COL27A1: variants seen among roughly 807,000 people sequenced by gnomAD.
COL27A1 encodes collagen alpha-1(XXVII) chain.
In COL27A1, 106 loss-of-function variants were observed where a neutral mutation model predicts 251.3. That is an observed-to-expected ratio of 0.42 (90% CI 0.36 to 0.50). The LOEUF (loss-of-function observed/expected upper bound fraction) is 0.50. Ranked by LOEUF, COL27A1 falls within the 20% of genes least tolerant of loss-of-function variation. COL27A1 has a pLI of 0.00. For missense variants in COL27A1, 2,325 were observed against 2,522.8 expected (o/e 0.92, Z 1.68); for synonymous variants, 1,000 against 986.3 (o/e 1.01, Z -0.26).
chr9:114,231,199 C>T, intron 15 of COL27A1, 67 bp downstream of exon 15: 1 of 1,449,866 alleles, frequency 6.9e-7, no homozygotes, highest in East Asian at 2.3e-5. Context: ...CATTTCAGCC[C>T]AGAAGGAAGG....
At chr9:114,259,837 G>A (rs946043890) in intron 28 of COL27A1, among the ~76,000 whole-genome samples, 1 of 152,168 alleles carries the variant, frequency 6.6e-6, no homozygotes, top group Non-Finnish European at 1.5e-5. Context: ...AGCTCCATAC[G>A]GGGGGATCTG....
In COL27A1 at chr9:114,205,446, G is replaced by A. The variant is rs1051392755; in HGVS notation, c.2169+300G>A. ...GATGTTAGGGGATATTATACTCACC[G>A]CCACGGGGTTTGCAGGAATTTTGGC... On this transcript the variant is annotated intron_variant, in intron 8 of 60. Transcript: ENST00000356083. Among the ~76,000 whole-genome samples the A allele has an allele frequency of 5.8e-4, 88 of 152,212 alleles. 1 individual carries two copies. Among genetic ancestry groups the A allele is most frequent in the Admixed American group, 5.4e-3 (82 of 15,282 alleles).
At position 114,252,870 on chromosome 9, in the gene COL27A1, T is replaced by A. The variant is rs1010591911; in HGVS notation, c.3088-9T>A. On this transcript the variant is annotated splice_polypyrimidine_tract_variant and intron_variant, in intron 26 of 60. Coordinates refer to ENST00000356083, the MANE Select transcript of COL27A1 (RefSeq NM_032888.4). ...GCTGATTCCTCCTTTGTCTTCTCTG[T>A]CTTGGCAGGGTCATCCTGGAATGCC... 6.2e-7 allele frequency: 1 copy of A among 1,613,894 alleles called. No homozygotes were observed. Among genetic ancestry groups the A allele is most frequent in the African/African-American group, 1.3e-5 (1 of 75,052 alleles).
chr9:114,235,482 C>A, intron 16 of COL27A1, 117 bp from the exon 17 acceptor site: 2 of 817,940 alleles, frequency 2.4e-6, no homozygotes, highest in South Asian at 1.4e-5. Context: ...TGCTGCTGGC[C>A]GGATCCGACT....
chr9:114,302,503 G>C (rs1392624241), intron 56 of COL27A1, among the ~76,000 whole-genome samples: 7 of 152,148 alleles, frequency 4.6e-5, no homozygotes, highest in Non-Finnish European at 1.0e-4. Flanking sequence ...GAGGCGAGCA[G>C]ATCACCTGAG....
At chr9:114,169,605 C>G (rs562552934) in intron 3 of COL27A1, 142 bp downstream of exon 3, 4 of 595,570 alleles carry the variant, frequency 6.7e-6, no homozygotes, top group Non-Finnish European at 8.2e-6. Flanking sequence ...TGGCTCCAGC[C>G]AGGCCCCCGG....
chr9:114,167,735 G>T lies in COL27A1; in HGVS notation c.180G>T (p.Gly60=). 2 of 1,613,722 alleles carry T rather than the reference G, an allele frequency of 1.2e-6. No homozygotes were observed. The highest frequency in any genetic ancestry group is 1.7e-6 in the Non-Finnish European group (2 of 1,179,910). ...TGGGCCTCAGCTGGACGAAGGCCGG[G>T]AGCCCTGCACCCCCGGGAGTCATTC... ...QRLGLSWTKA[G]SPAPPGVIPF... The change falls in exon 3 of 61, where the codon GGG becomes GGT. Residue 60 remains glycine (G), a synonymous_variant. Transcript: ENST00000356083.
rs751335161 is a variant in COL27A1, at chr9:114,168,920, C to A, written c.1365C>A (p.Pro455=). ...PTTSSSKKPI[P]TLARTEAKIT... is the part of the protein sequence containing the mutation. ...CCAGCTCCTCTAAAAAACCCATTCCCACACTAGCTCGGACTGAGGCCAAGA... is the reference window on the plus strand; with the variant it reads ...CCAGCTCCTCTAAAAAACCCATTCCAACACTAGCTCGGACTGAGGCCAAGA... Residue 455 remains proline, a synonymous_variant, in exon 3 of 61, where the codon CCC becomes CCA. Transcript: ENST00000356083. The A allele has an allele frequency of 6.2e-6, 10 of 1,614,092 alleles. No individual in the cohort carries two copies. Among genetic ancestry groups the A allele is most frequent in the Middle Eastern group, 1.7e-4 (1 of 6,060 alleles).
rs1830333298 is a variant in COL27A1 at position 114,211,161 on chromosome 9, T to G, written c.2367+135T>G. The G allele has an allele frequency of 4.3e-6, 4 of 920,390 alleles. No homozygotes were observed. The East Asian group carries it at 1.0e-4, about 23-fold the overall frequency. The allele number at this position is 920,390 out of a possible 1,614,324, so 57.0% of individuals were successfully genotyped here. Reference sequence around the variant, plus strand: ...TTGAGTGTGGGGGCCGCATGTGGGGTTGTCTGGCCACAGGACCTGCTGCTG... The same window carrying G: ...TTGAGTGTGGGGGCCGCATGTGGGGGTGTCTGGCCACAGGACCTGCTGCTG... On this transcript the variant is annotated intron_variant, in intron 12 of 60. Coordinates refer to ENST00000356083, the MANE Select transcript of COL27A1 (RefSeq NM_032888.4).
intron 2 of COL27A1, among the ~76,000 whole-genome samples, chr9:114,166,191 T>C (rs1848836816): frequency 6.9e-6 from 1 of 145,638 alleles, no homozygotes; most frequent in South Asian, 2.2e-4. Context: ...ATCCATCCAT[T>C]TATCTATTCA....
chr9:114,289,933 G>A (rs1166056075), intron 45 of COL27A1, 125 bp from the exon 46 acceptor site: 2 of 1,098,882 alleles, frequency 1.8e-6, no homozygotes, highest in East Asian at 2.4e-5. Context: ...CAGAGTGCTT[G>A]GGTACATCTG....
At chr9:114,289,653 G>C (rs1341792103) in intron 45 of COL27A1, among the ~76,000 whole-genome samples, 1 of 152,164 alleles carries the variant, frequency 6.6e-6, no homozygotes, top group Non-Finnish European at 1.5e-5. Context: ...TTGAGCAGGA[G>C]CCACTTCCTG....
At chr9:114,158,761 C>T (rs894708051) in intron 1 of COL27A1, among the ~76,000 whole-genome samples, 1 of 152,176 alleles carries the variant, frequency 6.6e-6, no homozygotes, top group Admixed American at 6.5e-5. Flanking sequence ...TTAGATGGCT[C>T]GTTGGCTCCC....
rs754520598 is a variant in COL27A1, at chr9:114,167,754, G to A, written c.199G>A (p.Val67Ile). The change falls in exon 3 of 61, where the codon GTC (valine) becomes ATC (isoleucine). Residue 67 changes from valine (V) to isoleucine (I), a missense_variant. By Grantham distance (29) the Val-to-Ile change is conservative. Transcript: ENST00000356083. ...GGCCGGGAGCCCTGCACCCCCGGGA[G>A]TCATTCCTTTCCAGTCGGGCTTCAT... Reference protein sequence around the residue: ...TKAGSPAPPGVIPFQSGFIFT... With the variant: ...TKAGSPAPPGIIPFQSGFIFT... 2 of 1,613,868 alleles carry A rather than the reference G, an allele frequency of 1.2e-6. No homozygotes were observed. Among genetic ancestry groups the A allele is most frequent in the Admixed American group, 1.7e-5 (1 of 60,022 alleles).
intron 17 of COL27A1, 84 bp downstream of exon 17, chr9:114,235,736 T>G: frequency 9.4e-7 from 1 of 1,059,346 alleles, no homozygotes; most frequent in Non-Finnish European, 1.5e-6. Flanking sequence ...CTAGGGTCCA[T>G]CATGAGCAAG....
chr9:114,288,619 G>A (rs1163961268), intron 42 of COL27A1, 83 bp from the exon 43 acceptor site: 8 of 1,556,466 alleles, frequency 5.1e-6, no homozygotes, highest in Admixed American at 3.6e-5. Context: ...TGAGAGCTCC[G>A]CAGAGGTCGC....
chr9:114,178,472 G>A, intron 4 of COL27A1, 128 bp downstream of exon 4: 2 of 852,300 alleles, frequency 2.3e-6, no homozygotes, highest in Non-Finnish European at 2.0e-6. Flanking sequence ...ACCCATATTT[G>A]GCTTTATCCA....
At chr9:114,261,368 G>C (rs1032826127) in intron 28 of COL27A1, among the ~76,000 whole-genome samples, 4 of 152,266 alleles carry the variant, frequency 2.6e-5, no homozygotes, top group Non-Finnish European at 5.9e-5. Context: ...CCAGCAGGCG[G>C]GGCGGGGGTG....
intron 10 of COL27A1, among the ~76,000 whole-genome samples, chr9:114,208,566 G>A (rs143192751): frequency 1.3e-4 from 20 of 152,314 alleles, no homozygotes; most frequent in African/African-American, 3.6e-4. Flanking sequence ...CCTATCATTC[G>A]TGCTCAATAA....
Sources: allele counts gnomAD v4.1 joint callset (sites outside exome capture counted in the v4.1 genomes callset), GRCh38; gene constraint gnomAD v4.1.1; transcripts MANE v1.5; gene names NCBI Gene and HGNC (gene_info 2026-07-23, HGNC 2026-07-21).